RAB3GAP2: variants seen among roughly 807,000 people sequenced by gnomAD.
The protein encoded by RAB3GAP2 is RAB3 GTPase activating non-catalytic protein subunit 2, also known as rab3 GTPase-activating protein non-catalytic subunit.
Under a neutral mutation model 185.3 loss-of-function variants are expected in RAB3GAP2, and 87 were observed. The ratio of observed to expected loss-of-function variants is 0.47; its 90% CI spans 0.39 to 0.56. The LOEUF (loss-of-function observed/expected upper bound fraction) is 0.56. Ranked by LOEUF, RAB3GAP2 falls within the 20% of genes least tolerant of loss-of-function variation. The pLI, the probability that RAB3GAP2 is intolerant of heterozygous loss-of-function variation, is 0.00. For synonymous variants in RAB3GAP2, 554 were observed against 576.1 expected (o/e 0.96, Z 0.55); for missense variants, 1,492 against 1,638.2 (o/e 0.91, Z 1.54).
intron 1 of RAB3GAP2, among the ~76,000 whole-genome samples, chr1:220,250,422 A>G (rs1469701987): frequency 6.6e-6 from 1 of 152,214 alleles, no homozygotes; most frequent in Non-Finnish European, 1.5e-5. Flanking sequence ...ATAGGAAGTA[A>G]CTAACTTGCT....
chr1:220,159,550 C>T, intron 28 of RAB3GAP2, 129 bp from the exon 29 acceptor site: 1 of 673,988 alleles, frequency 1.5e-6, no homozygotes, highest in Non-Finnish European at 2.6e-6. Context: ...GTGACAGCCT[C>T]ATTAATTAGC....
chr1:220,162,309 G>T (rs755166332), intron 27 of RAB3GAP2, 41 bp from the exon 28 acceptor site: 18 of 1,346,346 alleles, frequency 1.3e-5, no homozygotes, highest in Non-Finnish European at 1.8e-5. Flanking sequence ...TGCTTATATA[G>T]TCTCACTTTT....
chr1:220,164,480 T>G (rs1328505587), intron 27 of RAB3GAP2, among the ~76,000 whole-genome samples: 11 of 147,690 alleles, frequency 7.4e-5, no homozygotes, highest in African/African-American at 2.5e-4. Context: ...TTTGTTTTTT[T>G]TTTTTTTTTT....
At chr1:220,168,815 T>G (rs1658120921) in intron 24 of RAB3GAP2, among the ~76,000 whole-genome samples, 1 of 152,234 alleles carries the variant, frequency 6.6e-6, no homozygotes, top group Admixed American at 6.5e-5. Context: ...CAAAAAATTG[T>G]AAACACGCTG....
chr1:220,236,702 A>G, intron 1 of RAB3GAP2, among the ~76,000 whole-genome samples: 1 of 152,144 alleles, frequency 6.6e-6, no homozygotes, highest in Non-Finnish European at 1.5e-5. Context: ...TATATTGAGA[A>G]AATAGCTGAT....
intron 28 of RAB3GAP2, among the ~76,000 whole-genome samples, chr1:220,161,353 T>C (rs1409226877): frequency 6.6e-6 from 1 of 152,198 alleles, no homozygotes; most frequent in East Asian, 1.9e-4. Flanking sequence ...TATGTTATCT[T>C]TACAGTGGTA....
chr1:220,199,992 A>G (rs1192868182), intron 9 of RAB3GAP2, among the ~76,000 whole-genome samples: 1 of 152,196 alleles, frequency 6.6e-6, no homozygotes, highest in Non-Finnish European at 1.5e-5. Context: ...CTTAGAATCC[A>G]TCAGTGACAT....
At chr1:220,216,760 T>C (rs898022681) in intron 2 of RAB3GAP2, among the ~76,000 whole-genome samples, 21 of 152,220 alleles carry the variant, frequency 1.4e-4, no homozygotes, top group Non-Finnish European at 2.6e-4. Context: ...AGCCCTTATT[T>C]GGGCATGTTC....
At chr1:220,251,042 T>C (rs1659921855) in intron 1 of RAB3GAP2, among the ~76,000 whole-genome samples, 1 of 152,144 alleles carries the variant, frequency 6.6e-6, no homozygotes, top group African/African-American at 2.4e-5. Flanking sequence ...TGGACAGAAA[T>C]TGACAAATAA....
At chr1:220,222,161 T>C (rs983877004) in intron 2 of RAB3GAP2, among the ~76,000 whole-genome samples, 2 of 152,170 alleles carry the variant, frequency 1.3e-5, no homozygotes, top group African/African-American at 4.8e-5. Context: ...TCAGCAATTT[T>C]GAAACACAAA....
intron 2 of RAB3GAP2, among the ~76,000 whole-genome samples, chr1:220,224,418 C>G (rs997458314): frequency 6.6e-6 from 1 of 151,962 alleles, no homozygotes; most frequent in East Asian, 1.9e-4. Flanking sequence ...TCAGCAGAAG[C>G]GTGATTAAAT....
intron 17 of RAB3GAP2, among the ~76,000 whole-genome samples, chr1:220,188,021 ATGG>A (rs1356365665): frequency 6.6e-6 from 1 of 151,630 alleles, no homozygotes; most frequent in Non-Finnish European, 1.5e-5. Flanking sequence ...CTCCAGGTAG[ATGG>A]TGTCAGAATC....
rs1258698138 is a variant in RAB3GAP2, at chr1:220,158,410, G to C, written c.3262-534C>G. Reference sequence around the variant, plus strand: ...CGATTCTCAATGACTCCTTTAAAGGGCTTGTCCAAGGGACCACTGCATTTG... The same window carrying C: ...CGATTCTCAATGACTCCTTTAAAGGCCTTGTCCAAGGGACCACTGCATTTG... On this transcript the variant is annotated intron_variant, in intron 29 of 34. Transcript: ENST00000358951. This position sits in a 1 kb window ranked among gnomAD's most constrained non-coding sequence, Gnocchi z 4.3. Among the ~76,000 whole-genome samples, 1 of 151,876 alleles carries C rather than the reference G, an allele frequency of 6.6e-6. No homozygotes were observed. The highest frequency in any genetic ancestry group is 2.4e-5 in the African/African-American group (1 of 41,324).
intron 5 of RAB3GAP2, 32 bp from the exon 6 acceptor site, chr1:220,210,908 C>G: frequency 6.2e-7 from 1 of 1,613,726 alleles, no homozygotes. Context: ...ATCTTAACAA[C>G]TCATAAATCA....
chr1:220,229,311 C>T (rs1659457071), intron 2 of RAB3GAP2, among the ~76,000 whole-genome samples: 1 of 152,148 alleles, frequency 6.6e-6, no homozygotes, highest in Admixed American at 6.5e-5. Context: ...TGCATCTATT[C>T]CACAGAGCAG....
chr1:220,172,468 A>G (rs569406183), intron 22 of RAB3GAP2, among the ~76,000 whole-genome samples, 169 bp downstream of exon 22: 1 of 152,368 alleles, frequency 6.6e-6, no homozygotes, highest in African/African-American at 2.4e-5. Flanking sequence ...AAATTAAAGC[A>G]TAAGTCAAAT....
intron 1 of RAB3GAP2, among the ~76,000 whole-genome samples, chr1:220,245,120 G>C (rs974399254): frequency 7.1e-6 from 1 of 141,746 alleles, no homozygotes; most frequent in Non-Finnish European, 1.5e-5. Flanking sequence ...AAACAAATCA[G>C]CAAGAAAAAA....
intron 3 of RAB3GAP2, 138 bp from the exon 4 acceptor site, chr1:220,213,106 A>G (rs1440861782): frequency 1.7e-6 from 1 of 598,376 alleles, no homozygotes; most frequent in African/African-American, 1.9e-5. Flanking sequence ...GGTCTTTTTT[A>G]TAGGTAAATA....
At chr1:220,192,025 TC>T (rs1456835158) in intron 13 of RAB3GAP2, among the ~76,000 whole-genome samples, 7 of 152,176 alleles carry the variant, frequency 4.6e-5, no homozygotes, top group Middle Eastern at 3.4e-3. Flanking sequence ...AGGCAATTGA[TC>T]CTTCTTTCCA....
Sources: allele counts gnomAD v4.1 joint callset (sites outside exome capture counted in the v4.1 genomes callset), GRCh38; gene constraint gnomAD v4.1.1; non-coding constraint Gnocchi (gnomAD v3.1); transcripts MANE v1.5; gene names NCBI Gene and HGNC (gene_info 2026-07-23, HGNC 2026-07-21).